RELCH: variants seen among roughly 807,000 people sequenced by gnomAD.
RELCH encodes the protein RAB11 binding and LisH domain, coiled-coil and HEAT repeat containing.
In RELCH, 41 loss-of-function variants were observed where a neutral mutation model predicts 150.3. The ratio of observed to expected loss-of-function variants is 0.27; its 90% CI spans 0.21 to 0.35. The LOEUF is 0.35. Ranked by LOEUF, RELCH falls within the 10% of genes least tolerant of loss-of-function variation. The pLI is 1.00. For missense variants in RELCH, 1,092 were observed against 1,467.8 expected (o/e 0.74, Z 4.18); for synonymous variants, 478 against 531.8 (o/e 0.90, Z 1.39).
At chr18:62,234,658 TA>T (rs994041799) in intron 10 of RELCH, among the ~76,000 whole-genome samples, 8 of 151,654 alleles carry the variant, frequency 5.3e-5, no homozygotes, top group Non-Finnish European at 7.4e-5. Flanking sequence ...TTTTTTAATG[TA>T]AAAAAAATGT....
chr18:62,198,477 T>C (rs557732029), intron 1 of RELCH, among the ~76,000 whole-genome samples: 14 of 152,292 alleles, frequency 9.2e-5, no homozygotes, highest in African/African-American at 3.1e-4. Flanking sequence ...TCAGAAATAG[T>C]GTTCATTTGT....
rs752153045 is a variant in RELCH at position 62,187,752 on chromosome 18, G to A, written c.247G>A (p.Gly83Arg). ...GGCGTCGGCGGCTGCAGTGGCCCTG[G>A]GGGGCACCGGGGAGACCCCGGCCCG... is the stretch of plus-strand genomic sequence containing the variant. ...GEASAAAVAL[G>R]GTGETPARLS... The change falls in exon 1 of 29, where the codon GGG becomes AGG. Residue 83 changes from glycine to arginine, a missense_variant. Gly to Arg is a moderately radical substitution (Grantham distance 125, BLOSUM62 -2). Around this residue, in one of 4 missense-constraint regions of RELCH, gnomAD observed 138 missense variants for 124.8 expected, o/e 1.11. Transcript: ENST00000644646. 1.2e-6 allele frequency: 2 copies of A among 1,611,670 alleles called. No homozygotes were observed. The highest frequency in any genetic ancestry group is 1.7e-6 in the Non-Finnish European group (2 of 1,178,812).
At chr18:62,216,064 CA>C (rs1478306337) in intron 2 of RELCH, among the ~76,000 whole-genome samples, 1 of 151,926 alleles carries the variant, frequency 6.6e-6, no homozygotes, top group African/African-American at 2.4e-5. Flanking sequence ...TGTTATTAAA[CA>C]AAACTACTGT....
intron 20 of RELCH, among the ~76,000 whole-genome samples, chr18:62,271,810 A>G (rs778871206): frequency 5.9e-5 from 9 of 152,182 alleles, no homozygotes; most frequent in Non-Finnish European, 8.8e-5. Context: ...ACACATGGCT[A>G]GCCAGTTTTC....
chr18:62,273,831 G>T, intron 20 of RELCH, 149 bp from the exon 21 acceptor site: 1 of 576,432 alleles, frequency 1.7e-6, no homozygotes. Context: ...TGATAGATAT[G>T]CTTAATAAAT....
intron 25 of RELCH, among the ~76,000 whole-genome samples, chr18:62,286,670 C>G (rs1229206484): frequency 6.6e-6 from 1 of 152,044 alleles, no homozygotes; most frequent in East Asian, 1.9e-4. Flanking sequence ...TCAAAGAGCC[C>G]TGGTTTTAGT....
chr18:62,249,578 T>C (rs73458570), intron 11 of RELCH, among the ~76,000 whole-genome samples: 15,244 of 152,120 alleles, frequency 0.1, 902 homozygotes, highest in East Asian at 0.19. Context: ...TAATTAAATA[T>C]AGTTATTATT....
chr18:62,263,713 C>A (rs1452350434), intron 16 of RELCH, among the ~76,000 whole-genome samples: 1 of 151,866 alleles, frequency 6.6e-6, no homozygotes, highest in African/African-American at 2.4e-5. Context: ...AGGACACAAT[C>A]ATGAATAAAA....
chr18:62,228,636 G>T, intron 8 of RELCH, 38 bp downstream of exon 8: 2 of 1,497,124 alleles, frequency 1.3e-6, no homozygotes, highest in Non-Finnish European at 1.8e-6. Context: ...GCATCTTTCA[G>T]CTATTTAGTA....
intron 26 of RELCH, among the ~76,000 whole-genome samples, chr18:62,290,790 T>C (rs1337361253): frequency 1.3e-5 from 2 of 152,214 alleles, no homozygotes; most frequent in Non-Finnish European, 2.9e-5. Context: ...AGCTCTGTTA[T>C]CCAACTCAAT....
At chr18:62,239,112 T>C (rs1180729357) in intron 10 of RELCH, among the ~76,000 whole-genome samples, 2 of 152,136 alleles carry the variant, frequency 1.3e-5, no homozygotes, top group Non-Finnish European at 2.9e-5. Context: ...TTTGACTCCC[T>C]TCTTTAAACC....
chr18:62,211,480 G>A (rs757158259), intron 2 of RELCH, among the ~76,000 whole-genome samples: 24 of 152,164 alleles, frequency 1.6e-4, no homozygotes, highest in Non-Finnish European at 3.2e-4. Flanking sequence ...TATACTTGGA[G>A]CCAGCAGTTT....
At chr18:62,270,821 G>A (rs71366953) in intron 20 of RELCH, among the ~76,000 whole-genome samples, 27,069 of 150,016 alleles carry the variant, frequency 0.18, 3,006 homozygotes, top group Non-Finnish European at 0.25. Context: ...CAGGCCTCGG[G>A]GTGTGATGTT....
At chr18:62,190,074 TCCTGTCTTTAATGGTAGTTGCCTTA>T (rs1020908213) in intron 1 of RELCH, among the ~76,000 whole-genome samples, 1 of 152,248 alleles carries the variant, frequency 6.6e-6, no homozygotes, top group Non-Finnish European at 1.5e-5. Context: ...TATTTGCTTT[TCCTGTCTTTAATGGTAGTTGCCTTA>T]CCTGTCTTTT....
At chr18:62,258,423 T>G in intron 14 of RELCH, 89 bp from the exon 15 acceptor site, 2 of 1,160,024 alleles carry the variant, frequency 1.7e-6, no homozygotes, top group Middle Eastern at 2.5e-4. Context: ...ATGTTCTTAA[T>G]TTATTGAAAT....
In RELCH at chr18:62,275,453, A is replaced by G; in HGVS notation, c.2947A>G (p.Thr983Ala). The G allele has an allele frequency of 6.2e-7, 1 of 1,606,726 alleles. No individual in the cohort carries two copies. Among genetic ancestry groups the G allele is most frequent in the Non-Finnish European group, 8.5e-7 (1 of 1,175,054 alleles). The change falls in exon 22 of 29, where the codon ACT (threonine) becomes GCT (alanine). Residue 983 changes from threonine (T) to alanine (A), a missense_variant. By Grantham distance (58) the Thr-to-Ala change is moderately conservative. This residue lies in a region of RELCH where 707 missense variants were observed against 1,025.4 expected (regional missense o/e 0.69). Transcript: ENST00000644646. ...VVHTSALVRC[T>A]AARMFELLVK... ...CCATACTTCAGCACTCGTGAGGTGT[A>G]CTGCTGCTAGAATGTTTGAGGTATG... is the stretch of plus-strand genomic sequence containing the variant.
intron 18 of RELCH, among the ~76,000 whole-genome samples, chr18:62,266,152 CCT>C (rs1436110287): frequency 2.0e-5 from 3 of 151,458 alleles, no homozygotes; most frequent in Non-Finnish European, 1.5e-5. Flanking sequence ...TTTAAACAAA[CCT>C]CTGTTCTAAC....
chr18:62,231,517 A>G (rs2041578777), intron 9 of RELCH, among the ~76,000 whole-genome samples: 1 of 151,998 alleles, frequency 6.6e-6, no homozygotes, highest in Non-Finnish European at 1.5e-5. Context: ...TCTATTTTTA[A>G]TAGTATGTTT....
chr18:62,235,424 T>G (rs2041831109), intron 10 of RELCH: 1 of 152,068 alleles, frequency 6.6e-6, no homozygotes, highest in Admixed American at 6.6e-5. Context: ...CACATCACTA[T>G]TGTCTGTTCA....
Sources: allele counts gnomAD v4.1 joint callset (sites outside exome capture counted in the v4.1 genomes callset), GRCh38; gene constraint gnomAD v4.1.1; regional missense constraint gnomAD v4.1.1; transcripts MANE v1.5; gene names NCBI Gene and HGNC (gene_info 2026-07-23, HGNC 2026-07-21).